SBF2: variants seen among roughly 807,000 people sequenced by gnomAD.
SBF2 encodes SET binding factor 2, also known as myotubularin-related protein 13.
In SBF2, 112 loss-of-function variants were observed where a neutral mutation model predicts 225.2. That is an observed-to-expected ratio of 0.50 (90% CI 0.43 to 0.58). The LOEUF is 0.58. Among genes scored for constraint, SBF2 ranks in the 20% least tolerant of loss-of-function variants. The pLI is 0.00. For synonymous variants in SBF2, 763 were observed against 773.3 expected, an observed-to-expected ratio of 0.99 and a Z score of 0.22; for missense variants, 1,996 against 2,206.2, an observed-to-expected ratio of 0.90 and a Z score of 1.91.
At chr11:10,045,480 A>T (rs12360854) in intron 2 of SBF2, among the ~76,000 whole-genome samples, 69,753 of 152,064 alleles carry the variant, frequency 0.46, 16,411 homozygotes, top group Admixed American at 0.56. Context: ...TGCTTTTCAA[A>T]AACCAAGGTA....
chr11:9,892,110 A>T (rs11607582), intron 17 of SBF2, among the ~76,000 whole-genome samples: 31,259 of 152,036 alleles, frequency 0.21, 4,110 homozygotes, highest in Non-Finnish European at 0.3. Context: ...CGATACTTTT[A>T]AAAAAAATTA....
chr11:10,145,304 GA>G (rs571972395), intron 2 of SBF2, among the ~76,000 whole-genome samples: 75 of 152,228 alleles, frequency 4.9e-4, no homozygotes, highest in African/African-American at 1.7e-3. Flanking sequence ...GAAGACCTCA[GA>G]GTAGTCAGAC....
chr11:9,945,252 T>C (rs1041255122), intron 16 of SBF2, among the ~76,000 whole-genome samples: 4 of 152,016 alleles, frequency 2.6e-5, no homozygotes, highest in Admixed American at 1.3e-4. Context: ...AACAGACACA[T>C]AGGCCAATGA....
intron 26 of SBF2, among the ~76,000 whole-genome samples, chr11:9,834,776 T>C (rs1210327443): frequency 1.3e-5 from 2 of 152,340 alleles, no homozygotes; most frequent in East Asian, 1.9e-4. Context: ...TGCTTCAAGA[T>C]ACAATGTGTA....
intron 2 of SBF2, among the ~76,000 whole-genome samples, chr11:10,145,074 T>C (rs1954825115): frequency 6.6e-6 from 1 of 152,184 alleles, no homozygotes. Flanking sequence ...GGAATTCACG[T>C]AGCACAAAGA....
chr11:9,862,270 A>G (rs1857815991), intron 17 of SBF2, among the ~76,000 whole-genome samples: 1 of 152,240 alleles, frequency 6.6e-6, no homozygotes, highest in Non-Finnish European at 1.5e-5. Flanking sequence ...TCCCTCAGTG[A>G]GGATGGGCAG....
intron 16 of SBF2, among the ~76,000 whole-genome samples, chr11:9,909,383 C>T (rs2134179889): frequency 6.6e-6 from 1 of 152,014 alleles, no homozygotes; most frequent in Non-Finnish European, 1.5e-5. Context: ...ATAAGATACC[C>T]TGAGGCGGCT....
chr11:10,083,137 A>G (rs142468344), intron 2 of SBF2, among the ~76,000 whole-genome samples: 179 of 152,322 alleles, frequency 1.2e-3, no homozygotes, highest in African/African-American at 3.9e-3. Context: ...AATAGCTACC[A>G]AAACCAAAAC....
At chr11:10,132,771 A>G (rs1954128520) in intron 2 of SBF2, among the ~76,000 whole-genome samples, 1 of 148,894 alleles carries the variant, frequency 6.7e-6, no homozygotes, top group Admixed American at 6.8e-5. Flanking sequence ...TTGTTCTGTT[A>G]TCTGGCCCCA....
intron 24 of SBF2, among the ~76,000 whole-genome samples, chr11:9,843,333 A>C (rs1469054999): frequency 6.6e-6 from 1 of 152,264 alleles, no homozygotes; most frequent in African/African-American, 2.4e-5. Flanking sequence ...GAAGCATAGA[A>C]AAATAATATA....
intron 1 of SBF2, among the ~76,000 whole-genome samples, chr11:10,220,903 T>A (rs771411822): frequency 5.9e-5 from 9 of 152,154 alleles, no homozygotes; most frequent in Non-Finnish European, 1.0e-4. Flanking sequence ...TTTATTTAAT[T>A]CCTCACTTGG....
intron 32 of SBF2, among the ~76,000 whole-genome samples, chr11:9,798,503 G>A (rs1853272501): frequency 6.6e-6 from 1 of 152,168 alleles, no homozygotes; most frequent in Non-Finnish European, 1.5e-5. Flanking sequence ...CAGGCAGGGT[G>A]AGCTCCAAGG....
intron 1 of SBF2, among the ~76,000 whole-genome samples, chr11:10,255,669 C>A (rs775815453): frequency 6.6e-6 from 1 of 152,196 alleles, no homozygotes; most frequent in Non-Finnish European, 1.5e-5. Context: ...AACTTTTTCA[C>A]ATTTATTATC....
rs373913374 is a variant in SBF2, at chr11:9,929,279, A to AC, written c.1860+32677_1860+32678insG. ...TGAACCAAAAAAAACAAAAAACAAA[A>AC]AAAAAAAAACCATCGTTTTGAAGTG... On this transcript the variant is annotated intron_variant, in intron 16 of 39. Coordinates refer to ENST00000256190, the MANE Select transcript of SBF2 (RefSeq NM_030962.4). 9 of 170,932 alleles carry AC rather than the reference A, an allele frequency of 5.3e-5. 1 individual carries two copies. The highest frequency in any genetic ancestry group is 2.2e-4 in the African/African-American group (9 of 41,352). The allele number at this position is 170,932 out of a possible 1,614,324, so 10.6% of individuals were successfully genotyped here. A position where few individuals can be genotyped will look rare whatever the true frequency, so the allele number is the denominator to read the frequency against.
intron 2 of SBF2, among the ~76,000 whole-genome samples, chr11:10,138,231 C>A (rs1005691236): frequency 1.3e-5 from 2 of 152,052 alleles, no homozygotes; most frequent in Non-Finnish European, 1.5e-5. Flanking sequence ...CTTTTCAAGT[C>A]ATTTGTCCAT....
chr11:9,983,428 C>A (rs544618128), intron 13 of SBF2, among the ~76,000 whole-genome samples: 1 of 152,134 alleles, frequency 6.6e-6, no homozygotes, highest in Non-Finnish European at 1.5e-5. Flanking sequence ...CATCAAGACC[C>A]GCCCAAAGAG....
chr11:10,273,111 A>C lies in SBF2; in HGVS notation c.55+20904T>G, dbSNP rs566029599. Among the ~76,000 whole-genome samples the C allele has an allele frequency of 5.9e-5, 9 of 152,242 alleles. No homozygotes were observed. In the South Asian group the frequency reaches 1.9e-3, roughly 32 times the overall value. ...TAAATAAATAAATAAATGAATAAAT[A>C]AATCCCTGGAGTGAGCCTTTTTGTA... On this transcript the variant is annotated intron_variant, in intron 1 of 39. Coordinates refer to ENST00000256190, the MANE Select transcript of SBF2 (RefSeq NM_030962.4).
At chr11:9,914,907 T>G (rs965571410) in intron 16 of SBF2, among the ~76,000 whole-genome samples, 1 of 102,344 alleles carries the variant, frequency 9.8e-6, no homozygotes, top group Non-Finnish European at 1.9e-5. Context: ...GTGTTTATAG[T>G]GGGGGGGGCT....
intron 3 of SBF2, among the ~76,000 whole-genome samples, chr11:10,034,280 G>T (rs1049694878): frequency 2.0e-5 from 3 of 152,146 alleles, no homozygotes; most frequent in Non-Finnish European, 2.9e-5. Flanking sequence ...CAGCTTCTGT[G>T]TAACTTATGT....
Sources: gnomAD v4.1 joint callset for allele counts (sites outside exome capture counted in the v4.1 genomes callset) on GRCh38, gnomAD v4.1.1 for gene constraint, MANE v1.5 for transcripts, NCBI Gene and HGNC (gene_info 2026-07-23, HGNC 2026-07-21) for gene names.